MAML2: variants seen among roughly 807,000 people sequenced by gnomAD.
MAML2 encodes the protein mastermind-like protein 2.
MAML2 carries 22 observed loss-of-function variants against 96.1 expected under a neutral mutation model. The observed-to-expected ratio is 0.23, with a 90% CI of 0.16 to 0.33. The LOEUF (loss-of-function observed/expected upper bound fraction) is 0.33. MAML2 is among the 10% of genes least tolerant of loss of function. MAML2 has a pLI of 1.00. For missense variants in MAML2, 1,367 were observed against 1,392.4 expected (o/e 0.98, Z 0.29); for synonymous variants, 561 against 521.3 (o/e 1.08, Z -1.04).
intron 1 of MAML2, among the ~76,000 whole-genome samples, chr11:96,335,658 A>T (rs552978924): frequency 6.6e-6 from 1 of 152,296 alleles, no homozygotes; most frequent in East Asian, 1.9e-4. Context: ...GAAATGTAAT[A>T]CTTGTCTTCA....
intron 1 of MAML2, among the ~76,000 whole-genome samples, chr11:96,229,400 C>G (rs7930980): frequency 0.038 from 5,706 of 151,450 alleles, 261 homozygotes; most frequent in African/African-American, 0.099. Context: ...GAGATTCCCT[C>G]TCTTCCCCCA....
At chr11:96,170,462 A>G (rs939931508) in intron 1 of MAML2, among the ~76,000 whole-genome samples, 1 of 152,230 alleles carries the variant, frequency 6.6e-6, no homozygotes, top group Non-Finnish European at 1.5e-5. Flanking sequence ...CTTATCACAG[A>G]TACAGTTTGC....
intron 1 of MAML2, among the ~76,000 whole-genome samples, chr11:96,238,359 A>T (rs1862392066): frequency 6.6e-6 from 1 of 152,238 alleles, no homozygotes; most frequent in Non-Finnish European, 1.5e-5. Flanking sequence ...GTCAAATAAC[A>T]CATTCTTTAC....
chr11:96,123,853 C>T (rs1482661298), intron 1 of MAML2, among the ~76,000 whole-genome samples: 1 of 152,074 alleles, frequency 6.6e-6, no homozygotes, highest in Admixed American at 6.6e-5. Context: ...GTAGGTGGAT[C>T]ACCTGAGGTC....
chr11:96,201,918 CA>C (rs200583617), intron 1 of MAML2, among the ~76,000 whole-genome samples: 63 of 140,334 alleles, frequency 4.5e-4, no homozygotes, highest in African/African-American at 7.4e-4. Context: ...GACTCCATCT[CA>C]AAAAAAAAAA....
intron 1 of MAML2, among the ~76,000 whole-genome samples, chr11:96,254,063 T>C (rs977730843): frequency 6.6e-6 from 1 of 152,216 alleles, no homozygotes; most frequent in Non-Finnish European, 1.5e-5. Context: ...GTGAGACTTC[T>C]GGGAGAATTT....
intron 1 of MAML2, among the ~76,000 whole-genome samples, chr11:96,111,684 T>C (rs1860126879): frequency 6.6e-6 from 1 of 152,226 alleles, no homozygotes; most frequent in Non-Finnish European, 1.5e-5. Context: ...AGTGACATTG[T>C]CCCACATGTT....
chr11:96,330,412 T>C (rs1863836779), intron 1 of MAML2, among the ~76,000 whole-genome samples: 1 of 152,206 alleles, frequency 6.6e-6, no homozygotes, highest in Admixed American at 6.5e-5. Context: ...AGCAGAGTTA[T>C]GAGGCTCAAA....
intron 3 of MAML2, among the ~76,000 whole-genome samples, chr11:95,987,183 G>C (rs866691250): frequency 2.0e-5 from 3 of 152,178 alleles, no homozygotes; most frequent in Non-Finnish European, 4.4e-5. Context: ...AACAACAGAG[G>C]GGGGTGTTTG....
intron 1 of MAML2, among the ~76,000 whole-genome samples, chr11:96,220,392 A>G (rs1216399044): frequency 6.6e-6 from 1 of 152,160 alleles, no homozygotes; most frequent in African/African-American, 2.4e-5. Context: ...CCCTAGTGGC[A>G]CCGGACATGG....
chr11:96,319,653 A>G (rs932648513), intron 1 of MAML2, among the ~76,000 whole-genome samples: 1 of 152,294 alleles, frequency 6.6e-6, no homozygotes, highest in African/African-American at 2.4e-5. Flanking sequence ...AGATATAGGT[A>G]CAATAGGGCC....
intron 1 of MAML2, among the ~76,000 whole-genome samples, chr11:96,228,894 C>T (rs563875218): frequency 3.3e-5 from 5 of 151,916 alleles, no homozygotes; most frequent in Non-Finnish European, 7.4e-5. Context: ...TATGTTCACG[C>T]GGTCTCTTGT....
intron 2 of MAML2, among the ~76,000 whole-genome samples, chr11:96,024,499 C>A (rs374373573): frequency 2.6e-5 from 4 of 152,250 alleles, no homozygotes; most frequent in Admixed American, 2.6e-4. Flanking sequence ...CTATATTTCA[C>A]ACTTTCTAAG....
At chr11:96,030,050 A>G (rs910498718) in intron 2 of MAML2, among the ~76,000 whole-genome samples, 5 of 152,046 alleles carry the variant, frequency 3.3e-5, no homozygotes, top group Non-Finnish European at 5.9e-5. Flanking sequence ...TGGCCAACAC[A>G]GTGAAACCCC....
rs1422741242 is a variant in MAML2 at position 96,084,386 on chromosome 11, G to A, written c.2139+7506C>T. ...GGCAAGACTGGAAGGAGGCAGGCCA[G>A]TTAGCAAGCATGAGAGGCAAGCAGG... On this transcript the variant is annotated intron_variant, in intron 2 of 4. Coordinates refer to ENST00000524717, the MANE Select transcript of MAML2 (RefSeq NM_032427.4). Among the ~76,000 whole-genome samples the A allele has an allele frequency of 3.3e-5, 5 of 152,168 alleles. No individual in the cohort carries two copies. In the East Asian group the frequency reaches 9.6e-4, roughly 29 times the overall value.
chr11:96,242,538 G>C (rs1384542813), intron 1 of MAML2, among the ~76,000 whole-genome samples: 3 of 152,172 alleles, frequency 2.0e-5, no homozygotes, highest in Non-Finnish European at 1.5e-5. Flanking sequence ...TGAATTATAG[G>C]TACAGCACAA....
Position 96,226,536 on chromosome 11 carries a change from A to AT in MAML2, c.513+114846dup, listed in dbSNP as rs1030489387. ...CTGGAAAAGCTGCTCTAGAGGAAAG[A>AT]TTTTTTTTCTCCACATGCCAAACTG... On this transcript the variant is annotated intron_variant, in intron 1 of 4. Transcript: ENST00000524717. 3.9e-5 allele frequency among the ~76,000 whole-genome samples: 6 copies of AT among 152,030 alleles called. 1 individual carries two copies. In the South Asian group the frequency reaches 8.3e-4, roughly 21 times the overall value.
At chr11:96,004,571 CAT>C (rs1380436635) in intron 2 of MAML2, among the ~76,000 whole-genome samples, 1 of 152,092 alleles carries the variant, frequency 6.6e-6, no homozygotes, top group Admixed American at 6.6e-5. Flanking sequence ...AAAATTCTCA[CAT>C]GTCTCATGTG....
chr11:96,076,514 C>T (rs2135793822), intron 2 of MAML2, among the ~76,000 whole-genome samples: 1 of 151,898 alleles, frequency 6.6e-6, no homozygotes, highest in East Asian at 1.9e-4. Context: ...ACAGCAACTT[C>T]CTCCACTCGG....
Sources: gnomAD v4.1 joint callset for allele counts (sites outside exome capture counted in the v4.1 genomes callset) on GRCh38, gnomAD v4.1.1 for gene constraint, MANE v1.5 for transcripts, NCBI Gene and HGNC (gene_info 2026-07-23, HGNC 2026-07-21) for gene names.